The following UPRT variants were observed in gnomAD, a reference collection of about 807,000 sequenced individuals.
UPRT encodes uracil phosphoribosyltransferase homolog.
A neutral mutation model predicts 22.6 loss-of-function variants in UPRT; 5 were observed. The observed-to-expected ratio is 0.22, with a 90% confidence interval of 0.12 to 0.47. The LOEUF (loss-of-function observed/expected upper bound fraction) is 0.47. Among genes scored for constraint, UPRT ranks in the 20% least tolerant of loss-of-function variants. The pLI, the probability that UPRT is intolerant of heterozygous loss-of-function variation, is 0.99. For missense variants in UPRT, 181 were observed against 239.9 expected, an observed-to-expected ratio of 0.75 and a Z score of 1.62; for synonymous variants, 77 against 87.7, an observed-to-expected ratio of 0.88 and a Z score of 0.68.
intron 4 of UPRT, among the ~76,000 whole-genome samples, chrX:75,236,414 C>T (rs1045029161): frequency 9.6e-4 from 107 of 111,393 alleles, no homozygotes; most frequent in Non-Finnish European, 4.9e-4. Flanking sequence ...CATCAAGCTA[C>T]CAATGACTTT....
intron 2 of UPRT, among the ~76,000 whole-genome samples, chrX:75,294,244 A>G (rs1207618904): frequency 1.8e-5 from 2 of 111,049 alleles, no homozygotes; most frequent in Non-Finnish European, 3.8e-5. Flanking sequence ...TTATATTTAT[A>G]TATAGTTTAA....
At chrX:75,299,039 A>G (rs2082735617) in intron 4 of UPRT, among the ~76,000 whole-genome samples, 1 of 113,104 alleles carries the variant, frequency 8.8e-6, no homozygotes, top group African/African-American at 3.2e-5. Flanking sequence ...AAATGCCAGT[A>G]TTGGTAGAAT....
At chrX:75,261,357 A>G (rs938503479) in intron 4 of UPRT, among the ~76,000 whole-genome samples, 4 of 112,199 alleles carry the variant, frequency 3.6e-5, no homozygotes, top group Admixed American at 9.5e-5. Flanking sequence ...TCCCAAAGAA[A>G]TACAAACTAC....
rs945999604 is a variant in UPRT, at chrX:75,196,732, A to T, written c.-447+28853A>T. 3.1e-4 allele frequency among the ~76,000 whole-genome samples: 34 copies of T among 111,155 alleles called. 1 individual carries two copies. Among genetic ancestry groups the T allele is most frequent in the Non-Finnish European group, 6.0e-4 (32 of 53,072 alleles). Reference sequence around the variant, plus strand: ...CACAGTGGCACGTGCTTATAATCCCAGCCACTCGGGAGGCTGAGGCATGAG... The same window carrying T: ...CACAGTGGCACGTGCTTATAATCCCTGCCACTCGGGAGGCTGAGGCATGAG... On this transcript the variant is annotated intron_variant, in intron 4 of 13. Transcript: ENST00000652605.
intron 4 of UPRT, among the ~76,000 whole-genome samples, chrX:75,240,233 C>T (rs2082483972): frequency 9.0e-6 from 1 of 110,953 alleles, no homozygotes; most frequent in Admixed American, 9.7e-5. Flanking sequence ...GACCCGATAA[C>T]TGAATTCAGT....
chrX:75,291,614 T>C (rs1481171641), intron 1 of UPRT: 1 of 141,906 alleles, frequency 7.0e-6, no homozygotes, highest in Non-Finnish European at 1.4e-5. Context: ...GATTTAAATA[T>C]GATATTGAAG....
chrX:75,274,778 GTGTGTGT>G (rs2082624961), intron 1 of UPRT, 138 bp downstream of exon 1: 4 of 12,590 alleles, frequency 3.2e-4, no homozygotes, highest in South Asian at 2.4e-3. Flanking sequence ...TTTATTTGGT[GTGTGTGT>G]GTGTGTGTGT....
chrX:75,200,869 C>T (rs1333211239), intron 4 of UPRT, among the ~76,000 whole-genome samples: 1 of 111,682 alleles, frequency 9.0e-6, no homozygotes, highest in African/African-American at 3.3e-5. Flanking sequence ...ATTGCTTGAG[C>T]CTGGGAGATC....
intron 3 of UPRT, among the ~76,000 whole-genome samples, chrX:75,167,030 A>C (rs1474856165): frequency 3.6e-5 from 4 of 111,894 alleles, no homozygotes; most frequent in African/African-American, 1.3e-4. Flanking sequence ...TTGGGTGTAC[A>C]TGTGCATGCA....
intron 4 of UPRT, among the ~76,000 whole-genome samples, chrX:75,225,374 G>A (rs1011989009): frequency 2.3e-5 from 2 of 87,521 alleles, no homozygotes; most frequent in Non-Finnish European, 4.5e-5. Flanking sequence ...CACCCTAGGT[G>A]GGGAATGGGC....
At chrX:75,250,541 A>G (rs767539333) in intron 4 of UPRT, among the ~76,000 whole-genome samples, 243 of 111,698 alleles carry the variant, frequency 2.2e-3, no homozygotes, top group Non-Finnish European at 3.6e-3. Context: ...TAGACCAATA[A>G]CAGGCTCTGA....
chrX:75,236,848 A>G (rs1418813995), intron 4 of UPRT, among the ~76,000 whole-genome samples: 1 of 112,468 alleles, frequency 8.9e-6, no homozygotes, highest in African/African-American at 3.2e-5. Context: ...TAGAAACCCT[A>G]GAAGAAAACC....
At chrX:75,249,167 C>G (rs970490843) in intron 4 of UPRT, among the ~76,000 whole-genome samples, 6 of 111,362 alleles carry the variant, frequency 5.4e-5, no homozygotes, top group African/African-American at 1.6e-4. Flanking sequence ...GCAAAATAAC[C>G]AGCTAACATC....
intron 4 of UPRT, among the ~76,000 whole-genome samples, chrX:75,232,031 G>C (rs1366532342): frequency 9.0e-6 from 1 of 111,692 alleles, no homozygotes; most frequent in African/African-American, 3.3e-5. Flanking sequence ...GAGGTACCGG[G>C]TTCATCTCAC....
At chrX:75,173,119 G>C (rs1007119638) in intron 4 of UPRT, among the ~76,000 whole-genome samples, 38 of 111,819 alleles carry the variant, frequency 3.4e-4, no homozygotes, top group African/African-American at 1.2e-3. Flanking sequence ...GTTAGATACA[G>C]AGTTTCGACA....
chrX:75,232,140 T>A (rs2082440587), intron 4 of UPRT, among the ~76,000 whole-genome samples: 1 of 111,729 alleles, frequency 9.0e-6, no homozygotes, highest in Non-Finnish European at 1.9e-5. Flanking sequence ...GGGCAAGGGG[T>A]CAGGGAGTTC....
intron 6 of UPRT, among the ~76,000 whole-genome samples, chrX:75,302,568 T>G (rs1309180901): frequency 8.9e-6 from 1 of 111,778 alleles, no homozygotes; most frequent in African/African-American, 3.2e-5. Flanking sequence ...ACATTTACCA[T>G]GTACATTTTT....
chrX:75,296,722 A>G (rs946511627), intron 3 of UPRT, among the ~76,000 whole-genome samples: 4 of 111,564 alleles, frequency 3.6e-5, no homozygotes, highest in African/African-American at 1.3e-4. Context: ...CTTCATCTCT[A>G]TGGGAAAGCT....
At chrX:75,223,716 G>T (rs2082416299) in intron 4 of UPRT, among the ~76,000 whole-genome samples, 1 of 111,481 alleles carries the variant, frequency 9.0e-6, no homozygotes, top group South Asian at 3.8e-4. Flanking sequence ...CACTGCTGGG[G>T]GATGGAGGCG....
Sources: allele counts gnomAD v4.1 joint callset (sites outside exome capture counted in the v4.1 genomes callset), GRCh38; gene constraint gnomAD v4.1.1; transcripts MANE v1.5; gene names NCBI Gene and HGNC (gene_info 2026-07-23, HGNC 2026-07-21).